Variants in GRID2 observed in about 807,000 individuals in gnomAD.
GRID2 encodes the protein glutamate receptor ionotropic, delta-2.
A neutral mutation model predicts 114.8 loss-of-function variants in GRID2; 33 were observed. The ratio of observed to expected loss-of-function variants is 0.29; its 90% confidence interval spans 0.22 to 0.38. GRID2 has a LOEUF of 0.38. Ranked by LOEUF, GRID2 falls within the 10% of genes least tolerant of loss-of-function variation. The pLI is 1.00. For missense variants in GRID2, 1,184 were observed against 1,257.7 expected (o/e 0.94, Z 0.89); for synonymous variants, 505 against 449.9 (o/e 1.12, Z -1.55).
At chr4:92,406,208 C>T (rs1348800174) in intron 1 of GRID2, among the ~76,000 whole-genome samples, 1 of 152,186 alleles carries the variant, frequency 6.6e-6, no homozygotes, top group African/African-American at 2.4e-5. Context: ...CAAGGATCAA[C>T]ATTGCATTCT....
At position 93,772,247 on chromosome 4, in the gene GRID2, A is replaced by G. The variant is rs781004238; in HGVS notation, c.2773A>G (p.Thr925Ala). ...GGAGCAAATCAGTGATTTCAGGAAC[A>G]CTCATATTACCACAACAACCTTTAT... Reference protein sequence around the residue: ...ALEQISDFRNTHITTTTFIPE... With the variant: ...ALEQISDFRNAHITTTTFIPE... Residue 925 changes from threonine (T) to alanine (A), a missense_variant, in exon 16 of 16, where the codon ACT (threonine) becomes GCT (alanine). Transcript: ENST00000282020. 6.2e-7 allele frequency: 1 copy of G among 1,614,038 alleles called. No homozygotes were observed. The highest frequency in any genetic ancestry group is 1.1e-5 in the South Asian group (1 of 91,086).
intron 4 of GRID2, among the ~76,000 whole-genome samples, chr4:93,200,593 A>G (rs1314431816): frequency 2.0e-5 from 3 of 150,904 alleles, no homozygotes; most frequent in Non-Finnish European, 3.0e-5. Context: ...AAACAAACAA[A>G]AAAACATTAC....
chr4:92,437,599 G>C (rs1434445252), intron 1 of GRID2, among the ~76,000 whole-genome samples: 1 of 152,190 alleles, frequency 6.6e-6, no homozygotes, highest in Non-Finnish European at 1.5e-5. Flanking sequence ...TTAAATGTTT[G>C]AGTGGTTCTG....
At chr4:93,791,462 A>G (rs1461842326) in intron 1 of GRID2, among the ~76,000 whole-genome samples, 1 of 152,194 alleles carries the variant, frequency 6.6e-6, no homozygotes, top group Non-Finnish European at 1.5e-5. Flanking sequence ...GCTCTACCAA[A>G]CCACCACTAA....
chr4:93,264,470 C>T (rs1481655527), intron 8 of GRID2, among the ~76,000 whole-genome samples: 2 of 151,720 alleles, frequency 1.3e-5, no homozygotes, highest in African/African-American at 4.8e-5. Context: ...AGCTTTCCAG[C>T]AAAACAAGCT....
intron 2 of GRID2, among the ~76,000 whole-genome samples, chr4:92,690,030 T>C (rs1382498353): frequency 6.6e-6 from 1 of 152,204 alleles, no homozygotes; most frequent in African/African-American, 2.4e-5. Context: ...CCTTTTACTT[T>C]CTTACTATTC....
intron 14 of GRID2, among the ~76,000 whole-genome samples, chr4:93,693,278 G>A (rs937435502): frequency 3.3e-5 from 5 of 152,122 alleles, no homozygotes; most frequent in African/African-American, 1.2e-4. Flanking sequence ...ATAAGTCACA[G>A]TATTATCTGG....
intron 2 of GRID2, among the ~76,000 whole-genome samples, chr4:92,930,353 T>C (rs1202543506): frequency 2.0e-5 from 3 of 151,352 alleles, no homozygotes; most frequent in South Asian, 2.1e-4. Flanking sequence ...TTATTAAATA[T>C]AAAACATTTA....
intron 13 of GRID2, among the ~76,000 whole-genome samples, chr4:93,576,804 TG>T (rs1736468924): frequency 6.6e-6 from 1 of 152,100 alleles, no homozygotes. Flanking sequence ...AGTACATATG[TG>T]TTTTAGTGTT....
intron 2 of GRID2, among the ~76,000 whole-genome samples, chr4:92,834,244 T>A (rs1190954996): frequency 6.6e-6 from 1 of 152,172 alleles, no homozygotes; most frequent in African/African-American, 2.4e-5. Flanking sequence ...TATGGGAGGT[T>A]CTCTTTTGAT....
Position 92,821,928 on chromosome 4 carries a change from T to C in GRID2, c.244+231642T>C, listed in dbSNP as rs148602173. 374 of 159,608 alleles carry C rather than the reference T, an allele frequency of 2.3e-3. 2 individuals carry two copies. The highest frequency in any genetic ancestry group is 8.5e-3 in the African/African-American group (354 of 41,660). 9.9% of individuals were successfully genotyped at this position (159,608 alleles called of 1,614,324 possible). A position where few individuals can be genotyped will look rare whatever the true frequency, so the allele number is the denominator to read the frequency against. Reference sequence around the variant, plus strand: ...GTTAATAATGATTAAAGTAGGAAGATTTTTTGTTTTAAATCAGAAAGTCAG... The same window carrying C: ...GTTAATAATGATTAAAGTAGGAAGACTTTTTGTTTTAAATCAGAAAGTCAG... On this transcript the variant is annotated intron_variant, in intron 2 of 15. Coordinates refer to ENST00000282020, the MANE Select transcript of GRID2 (RefSeq NM_001510.4).
At chr4:92,864,604 T>C (rs1744739210) in intron 2 of GRID2, among the ~76,000 whole-genome samples, 1 of 152,194 alleles carries the variant, frequency 6.6e-6, no homozygotes, top group Non-Finnish European at 1.5e-5. Context: ...ATGAACTACA[T>C]AAACCACACC....
chr4:93,654,137 C>T (rs754182143), intron 14 of GRID2, among the ~76,000 whole-genome samples: 6 of 151,996 alleles, frequency 3.9e-5, no homozygotes, highest in South Asian at 2.1e-4. Flanking sequence ...CGATCATTTT[C>T]TCTCTCTCAT....
At chr4:92,906,231 T>C (rs1402818353) in intron 2 of GRID2, among the ~76,000 whole-genome samples, 1 of 148,316 alleles carries the variant, frequency 6.7e-6, no homozygotes, top group East Asian at 2.0e-4. Flanking sequence ...ATTTTAGAAA[T>C]CTGTAGACCT....
At chr4:92,876,277 T>G (rs1406623364) in intron 2 of GRID2, among the ~76,000 whole-genome samples, 2 of 149,346 alleles carry the variant, frequency 1.3e-5, no homozygotes, top group African/African-American at 4.9e-5. Flanking sequence ...TCTTTTTTTT[T>G]TATTATTTTA....
chr4:93,087,158 C>T (rs1730401459), intron 3 of GRID2, among the ~76,000 whole-genome samples: 1 of 151,788 alleles, frequency 6.6e-6, no homozygotes, highest in African/African-American at 2.4e-5. Flanking sequence ...CCTCAGCCTC[C>T]CAAGTAGCTG....
intron 9 of GRID2, among the ~76,000 whole-genome samples, chr4:93,416,131 G>T (rs948284853): frequency 6.6e-5 from 10 of 151,892 alleles, no homozygotes; most frequent in Admixed American, 3.3e-4. Context: ...CACCTGGATT[G>T]TTTCTTCCTC....
intron 2 of GRID2, among the ~76,000 whole-genome samples, chr4:92,757,671 A>G (rs1005375005): frequency 6.6e-6 from 1 of 152,062 alleles, no homozygotes; most frequent in African/African-American, 2.4e-5. Flanking sequence ...AATTCAGCTC[A>G]AGAGCCACTA....
rs58085283 is a variant in GRID2 at position 92,397,342 on chromosome 4, ATGTGTG to A, written c.88+92636_88+92641del. Among the ~76,000 whole-genome samples, 994 of 142,748 alleles carry A rather than the reference ATGTGTG, an allele frequency of 7.0e-3. 4 individuals are homozygous for A. Among genetic ancestry groups the A allele is most frequent in the Middle Eastern group, 0.025 (7 of 276 alleles). 93.6% of individuals were successfully genotyped at this position (142,748 alleles called of 152,430 possible). On this transcript the variant is annotated intron_variant, in intron 1 of 15. Coordinates refer to ENST00000282020, the MANE Select transcript of GRID2 (RefSeq NM_001510.4). ...TTATAATAAAACTCTGTGTGTTTGTATGTGTGTGTGTGTGTGTGTGTGTGTGTGTGT... is the reference window on the plus strand; with the variant it reads ...TTATAATAAAACTCTGTGTGTTTGTATGTGTGTGTGTGTGTGTGTGTGTGT...
Sources: gnomAD v4.1 joint callset for allele counts (sites outside exome capture counted in the v4.1 genomes callset) on GRCh38, gnomAD v4.1.1 for gene constraint, MANE v1.5 for transcripts, NCBI Gene and HGNC (gene_info 2026-07-23, HGNC 2026-07-21) for gene names.